The following MTUS1 variants were observed in gnomAD, a reference collection of about 807,000 sequenced individuals.
MTUS1 encodes microtubule associated scaffold protein 1.
Under a neutral mutation model 120.8 loss-of-function variants are expected in MTUS1, and 109 were observed. The ratio of observed to expected loss-of-function variants is 0.90; its 90% CI spans 0.77 to 1.06. MTUS1 has a LOEUF of 1.06. MTUS1 is among the 50% of genes least tolerant of loss of function. The pLI is 0.00. For synonymous variants in MTUS1, 737 were observed against 550.5 expected (o/e 1.34, Z -4.74); for missense variants, 2,210 against 1,486.3 (o/e 1.49, Z -8.01).
chr8:17,798,051 G>T (rs1020295898), intron 1 of MTUS1, among the ~76,000 whole-genome samples: 1 of 152,072 alleles, frequency 6.6e-6, no homozygotes, highest in African/African-American at 2.4e-5. Context: ...CCACAATAAT[G>T]ACTATAAAAA....
At chr8:17,654,914 C>G (rs1165627276) in intron 9 of MTUS1, 8 of 521,572 alleles carry the variant, frequency 1.5e-5, no homozygotes, top group Non-Finnish European at 2.4e-5. Flanking sequence ...TGTCGCGAGA[C>G]TCTGTCCCCA....
chr8:17,752,681 T>G (rs1462153495), intron 2 of MTUS1, among the ~76,000 whole-genome samples: 3 of 152,224 alleles, frequency 2.0e-5, no homozygotes, highest in African/African-American at 7.2e-5. Flanking sequence ...CCTTCTGCAC[T>G]TGCTATTCTA....
At chr8:17,693,731 C>T (rs1817418757) in intron 6 of MTUS1, among the ~76,000 whole-genome samples, 1 of 152,190 alleles carries the variant, frequency 6.6e-6, no homozygotes, top group Non-Finnish European at 1.5e-5. Flanking sequence ...GCTGCTTGGG[C>T]ACAAGTCCAC....
In MTUS1 at chr8:17,786,375, A is replaced by G. The variant is rs552160823; in HGVS notation, c.-155+14686T>C. Among the ~76,000 whole-genome samples, 18 of 152,222 alleles carry G rather than the reference A, an allele frequency of 1.2e-4. No homozygotes were observed. In the South Asian group the frequency reaches 1.7e-3, roughly 14 times the overall value. ...GATGCTAAAACCTCCTCCAGGACCC[A>G]GGCACCATCTCAGATAAAAGCTCTT... is the stretch of plus-strand genomic sequence containing the variant. On this transcript the variant is annotated intron_variant, in intron 1 of 14. Transcript: ENST00000693296.
chr8:17,672,051 G>C (rs1396513937), intron 8 of MTUS1, among the ~76,000 whole-genome samples: 7 of 152,140 alleles, frequency 4.6e-5, no homozygotes, highest in African/African-American at 1.4e-4. Flanking sequence ...CCTAGGCTTT[G>C]ACTCCACACA....
intron 7 of MTUS1, chr8:17,676,458 G>A (rs1012654619): frequency 1.4e-5 from 9 of 634,722 alleles, no homozygotes; most frequent in East Asian, 1.1e-4. Context: ...ATTGGCCCTC[G>A]GGCGTCTTAC....
intron 1 of MTUS1, among the ~76,000 whole-genome samples, chr8:17,782,158 T>G (rs752616468): frequency 6.6e-6 from 1 of 152,040 alleles, no homozygotes; most frequent in Non-Finnish European, 1.5e-5. Flanking sequence ...ATGATGGGAT[T>G]TTTTTCCCCC....
intron 12 of MTUS1, among the ~76,000 whole-genome samples, chr8:17,652,284 A>G (rs952350299): frequency 4.7e-4 from 72 of 152,248 alleles, no homozygotes; most frequent in African/African-American, 1.7e-3. Context: ...ACATTTATCC[A>G]TACGGCGAAA....
At chr8:17,675,744 A>G (rs1463730778) in intron 7 of MTUS1, among the ~76,000 whole-genome samples, 1 of 152,248 alleles carries the variant, frequency 6.6e-6, no homozygotes, top group Non-Finnish European at 1.5e-5. Flanking sequence ...GTTTGTTAGA[A>G]AGCTATAGCA....
chr8:17,661,479 G>GAC (rs1348116447), intron 8 of MTUS1, among the ~76,000 whole-genome samples: 1 of 152,176 alleles, frequency 6.6e-6, no homozygotes, highest in Non-Finnish European at 1.5e-5. Context: ...CTTCGAAGCT[G>GAC]ACGTTAATAG....
intron 8 of MTUS1, chr8:17,674,408 G>A: frequency 1.1e-6 from 1 of 938,648 alleles, no homozygotes; most frequent in Non-Finnish European, 1.3e-6. Context: ...GACAGAGCAA[G>A]ATTCCGTCTC....
chr8:17,682,258 G>T (rs927818768), intron 7 of MTUS1, among the ~76,000 whole-genome samples: 1 of 152,218 alleles, frequency 6.6e-6, no homozygotes, highest in Non-Finnish European at 1.5e-5. Context: ...GCTCACGCCT[G>T]TAATTGCAGC....
At chr8:17,715,421 T>G (rs1047092548) in intron 5 of MTUS1, among the ~76,000 whole-genome samples, 1 of 152,140 alleles carries the variant, frequency 6.6e-6, no homozygotes, top group Non-Finnish European at 1.5e-5. Context: ...AGTACAGTAA[T>G]AAACATAAAA....
chr8:17,734,973 G>A (rs1040080857), intron 3 of MTUS1, among the ~76,000 whole-genome samples: 2 of 151,956 alleles, frequency 1.3e-5, no homozygotes, highest in East Asian at 3.9e-4. Context: ...GAGCACAGTG[G>A]TGCAATCATA....
At chr8:17,705,999 A>T (rs917198855) in intron 6 of MTUS1, 1 of 152,138 alleles carries the variant, frequency 6.6e-6, no homozygotes, top group East Asian at 1.9e-4. Flanking sequence ...AGTCAATATC[A>T]ACTACAATCT....
intron 3 of MTUS1, among the ~76,000 whole-genome samples, chr8:17,729,292 C>T (rs1358525997): frequency 6.6e-6 from 1 of 152,182 alleles, no homozygotes; most frequent in Non-Finnish European, 1.5e-5. Context: ...ACCGTGGCTG[C>T]AGGTCCACTT....
At chr8:17,793,392 C>A (rs182007278) in intron 1 of MTUS1, among the ~76,000 whole-genome samples, 1 of 151,970 alleles carries the variant, frequency 6.6e-6, no homozygotes, top group East Asian at 1.9e-4. Flanking sequence ...GGGGTGAGGG[C>A]AAGAGGAGAG....
intron 8 of MTUS1, chr8:17,674,414 G>C: frequency 1.0e-6 from 1 of 954,234 alleles, no homozygotes; most frequent in Non-Finnish European, 1.2e-6. Flanking sequence ...GCAAGATTCC[G>C]TCTCAAAAAA....
intron 1 of MTUS1, among the ~76,000 whole-genome samples, chr8:17,768,331 A>C (rs1423992776): frequency 6.6e-6 from 1 of 152,216 alleles, no homozygotes; most frequent in Non-Finnish European, 1.5e-5. Context: ...CTCAATCCAA[A>C]ATAAATAAAA....
Sources: allele counts gnomAD v4.1 joint callset (sites outside exome capture counted in the v4.1 genomes callset), GRCh38; gene constraint gnomAD v4.1.1; transcripts MANE v1.5; gene names NCBI Gene and HGNC (gene_info 2026-07-23, HGNC 2026-07-21).